RAG1: variants seen among roughly 807,000 people sequenced by gnomAD.
RAG1 encodes the protein recombination activating 1.
In RAG1, 35 loss-of-function variants were observed where a neutral mutation model predicts 62.7. The ratio of observed to expected loss-of-function variants is 0.56; its 90% CI spans 0.43 to 0.74. The LOEUF is 0.74. Among genes scored for constraint, RAG1 ranks in the 30% least tolerant of loss-of-function variants. The pLI, the probability that RAG1 is intolerant of heterozygous loss-of-function variation, is 0.00. For synonymous variants in RAG1, 461 were observed against 470.3 expected (o/e 0.98, Z 0.26); for missense variants, 1,169 against 1,278.6 (o/e 0.91, Z 1.31).
At chr11:36,519,392 A>G (rs1033651666) in intron 1 of RAG1, among the ~76,000 whole-genome samples, 1 of 152,254 alleles carries the variant, frequency 6.6e-6, no homozygotes, top group Non-Finnish European at 1.5e-5. Flanking sequence ...CATTGCTCTT[A>G]AAGTCACTTA....
chr11:36,571,312 G>C lies in RAG1; in HGVS notation c.-14-1979G>C, dbSNP rs1590699842. On this transcript the variant is annotated intron_variant, in intron 1 of 1. Coordinates refer to ENST00000299440, the MANE Select transcript of RAG1 (RefSeq NM_000448.3). ...CCAGAGAGCAAGTGCTTTAAGTATA[G>C]GCTGGGAAGTAAAATGCTAAAGGAA... 3.3e-5 allele frequency among the ~76,000 whole-genome samples: 5 copies of C among 152,290 alleles called. No homozygotes were observed. In the South Asian group the frequency reaches 8.3e-4, roughly 25 times the overall value.
At chr11:36,561,710 C>T (rs1226593216) in intron 3 of RAG1, among the ~76,000 whole-genome samples, 1 of 152,118 alleles carries the variant, frequency 6.6e-6, no homozygotes, top group Non-Finnish European at 1.5e-5. Context: ...TTATTATTTT[C>T]CTAGCCTTGG....
downstream of RAG1, among the ~76,000 whole-genome samples, chr11:36,539,722 C>A (rs1407252223): frequency 6.6e-6 from 1 of 152,180 alleles, no homozygotes; most frequent in Non-Finnish European, 1.5e-5. Context: ...AGGTGATCTG[C>A]CCACCTCGGC....
chr11:36,559,385 G>T (rs949685678), intron 3 of RAG1, among the ~76,000 whole-genome samples: 1 of 152,082 alleles, frequency 6.6e-6, no homozygotes, highest in Non-Finnish European at 1.5e-5. Context: ...GGCATTTGAG[G>T]TTCTTGAATT....
upstream of RAG1, among the ~76,000 whole-genome samples, chr11:36,565,038 A>G (rs1233208235): frequency 3.3e-5 from 5 of 152,230 alleles, no homozygotes; most frequent in African/African-American, 1.2e-4. Flanking sequence ...GAATAAATAA[A>G]TAAAACACAT....
intron 2 of RAG1, among the ~76,000 whole-genome samples, chr11:36,523,844 C>T (rs1300119560): frequency 6.6e-6 from 1 of 152,112 alleles, no homozygotes; most frequent in African/African-American, 2.4e-5. Flanking sequence ...CCAATGGTAA[C>T]ATCATGCAAA....
intron 3 of RAG1, among the ~76,000 whole-genome samples, chr11:36,549,159 C>G (rs1201156543): frequency 6.6e-6 from 1 of 152,134 alleles, no homozygotes; most frequent in Non-Finnish European, 1.5e-5. Flanking sequence ...AGACCTAAAA[C>G]CATAAAAACC....
chr11:36,571,396 C>G (rs1352059408), intron 1 of RAG1, among the ~76,000 whole-genome samples: 1 of 152,078 alleles, frequency 6.6e-6, no homozygotes, highest in East Asian at 1.9e-4. Flanking sequence ...AGGGAAAGAC[C>G]TAGCACCTGC....
Position 36,573,695 on chromosome 11 carries a change from G to A in RAG1, c.391G>A (p.Gly131Ser). Residue 131 changes from glycine (G) to serine (S), a missense_variant, in exon 2 of 2, where the codon GGT (glycine) becomes AGT (serine). Coordinates refer to ENST00000299440, the MANE Select transcript of RAG1 (RefSeq NM_000448.3). The stretch of plus-strand genomic sequence containing the variant: ...GCACAACAGGAGATATCCAGTCCAT[G>A]GTCCTGTGGATGGTAAAACCCTAGG... ...DEHNRRYPVH[G>S]PVDGKTLGLL... 1 of 1,614,094 alleles carries A rather than the reference G, an allele frequency of 6.2e-7. No individual in the cohort carries two copies. Among genetic ancestry groups the A allele is most frequent in the South Asian group, 1.1e-5 (1 of 91,074 alleles).
chr11:36,547,013 G>C (rs112671768), intron 3 of RAG1, among the ~76,000 whole-genome samples: 1,808 of 151,790 alleles, frequency 0.012, 31 homozygotes, highest in African/African-American at 0.041. Context: ...TTCAACCTTG[G>C]TGAATCTGAC....
intron 3 of RAG1, among the ~76,000 whole-genome samples, chr11:36,544,046 T>C (rs1025799923): frequency 2.0e-5 from 3 of 152,212 alleles, no homozygotes; most frequent in Admixed American, 1.3e-4. Flanking sequence ...ATTATATACA[T>C]ATGGAACATT....
In RAG1 at chr11:36,573,570, A is replaced by C; in HGVS notation, c.266A>C (p.Lys89Thr). Residue 89 changes from lysine (K) to threonine (T), a missense_variant, in exon 2 of 2, where the codon AAG becomes ACG. Lys to Thr is a moderately conservative substitution (Grantham distance 78). Around this residue, in one of 2 missense-constraint regions of RAG1, gnomAD observed 369 missense variants for 335.3 expected, o/e 1.10. Transcript: ENST00000299440. ...TTAAAAGCCCACCCTAAGTTTTCAA[A>C]GAAATTTCACGACAACGAGAAAGCA... is the stretch of plus-strand genomic sequence containing the variant. ...PLLKAHPKFS[K>T]KFHDNEKARG... is the part of the protein sequence containing the mutation. 6.2e-7 allele frequency: 1 copy of C among 1,614,210 alleles called. No individual in the cohort carries two copies. The highest frequency in any genetic ancestry group is 1.1e-5 in the South Asian group (1 of 91,082).
intron 3 of RAG1, among the ~76,000 whole-genome samples, chr11:36,558,511 A>G (rs1381891089): frequency 6.6e-6 from 1 of 152,158 alleles, no homozygotes; most frequent in African/African-American, 2.4e-5. Flanking sequence ...TTCATTTATC[A>G]TTATATAATG....
chr11:36,551,419 T>C (rs1850479862), intron 3 of RAG1, among the ~76,000 whole-genome samples: 2 of 151,972 alleles, frequency 1.3e-5, no homozygotes. Context: ...AAGTTTGAGA[T>C]TAAGGTGTTA....
chr11:36,558,539 A>G (rs1051480211), intron 3 of RAG1, among the ~76,000 whole-genome samples: 2 of 152,124 alleles, frequency 1.3e-5, no homozygotes, highest in Admixed American at 6.5e-5. Flanking sequence ...CTGTTTTTAC[A>G]GTTTTGGATT....
At chr11:36,561,600 G>T (rs187831537) in intron 3 of RAG1, among the ~76,000 whole-genome samples, 2 of 152,232 alleles carry the variant, frequency 1.3e-5, no homozygotes, top group African/African-American at 4.8e-5. Flanking sequence ...TATGAGGTGG[G>T]CATCATGCAA....
At chr11:36,572,557 C>T (rs1465633587) in intron 1 of RAG1, among the ~76,000 whole-genome samples, 1 of 152,180 alleles carries the variant, frequency 6.6e-6, no homozygotes, top group Non-Finnish European at 1.5e-5. Flanking sequence ...CTTAGAATCT[C>T]AGTCTATGTA....
At chr11:36,559,062 G>T (rs1850545384) in intron 3 of RAG1, among the ~76,000 whole-genome samples, 1 of 152,048 alleles carries the variant, frequency 6.6e-6, no homozygotes. Flanking sequence ...TTGCTTCTCT[G>T]GGAAAGACTT....
chr11:36,514,706 C>T (rs971452973), intron 1 of RAG1, among the ~76,000 whole-genome samples: 5 of 152,158 alleles, frequency 3.3e-5, no homozygotes, highest in African/African-American at 7.2e-5. Flanking sequence ...GTGCAGTTCA[C>T]GAAAGGGTTT....
Sources: gnomAD v4.1 joint callset for allele counts (sites outside exome capture counted in the v4.1 genomes callset) on GRCh38, gnomAD v4.1.1 for gene constraint, gnomAD v4.1.1 regional missense constraint, MANE v1.5 for transcripts, NCBI Gene and HGNC (gene_info 2026-07-23, HGNC 2026-07-21) for gene names.